PARVB: variants seen among roughly 807,000 people sequenced by gnomAD.
The protein encoded by PARVB is parvin beta, also known as beta-parvin.
In PARVB, 46 loss-of-function variants were observed where a neutral mutation model predicts 47.0. The ratio of observed to expected loss-of-function variants is 0.98; its 90% CI spans 0.77 to 1.25. The LOEUF is 1.25. Ranked by LOEUF, PARVB falls within the 50% of genes most tolerant of loss-of-function variation. The probability of loss-of-function intolerance (pLI) is 0.00; values close to 1 mark genes in which losing one functional copy is unlikely to be tolerated. For missense variants in PARVB, 473 were observed against 471.6 expected (o/e 1.00, Z -0.03); for synonymous variants, 196 against 196.3 (o/e 1.00, Z 0.01).
At chr22:44,157,772 G>C (rs899069492) in intron 10 of PARVB, among the ~76,000 whole-genome samples, 8 of 152,184 alleles carry the variant, frequency 5.3e-5, no homozygotes, top group Middle Eastern at 3.4e-3. Context: ...CCAGCTACTT[G>C]GGAGGCTGAG....
intron 2 of PARVB, among the ~76,000 whole-genome samples, chr22:44,003,894 C>T (rs1253699527): frequency 6.6e-6 from 1 of 152,210 alleles, no homozygotes; most frequent in African/African-American, 2.4e-5. Context: ...TCCGATGTCC[C>T]CTTCCCTGAA....
rs1256760553 is a variant in PARVB at position 44,113,865 on chromosome 22, A to G, written c.274-5173A>G. 3.3e-5 allele frequency: 2 copies of G among 61,134 alleles called. 1 individual carries two copies. The highest frequency in any genetic ancestry group is 1.1e-3 in the South Asian group (2 of 1,754). The allele number at this position is 61,134 out of a possible 1,614,324, so 3.8% of individuals were successfully genotyped here. A position where few individuals can be genotyped will look rare whatever the true frequency, so the allele number is the denominator to read the frequency against. On this transcript the variant is annotated intron_variant, in intron 3 of 12. Transcript: ENST00000338758. ...GCACCAACACAGATACATTGTTACTAAGGCCCTGCACCAACACAGATACAT... is the reference window on the plus strand; with the variant it reads ...GCACCAACACAGATACATTGTTACTGAGGCCCTGCACCAACACAGATACAT...
intron 1 of PARVB, among the ~76,000 whole-genome samples, chr22:44,048,147 C>T (rs570035587): frequency 6.6e-6 from 1 of 152,244 alleles, no homozygotes; most frequent in South Asian, 2.1e-4. Context: ...GTTGAGCTTC[C>T]TGGAAGGCCC....
intron 1 of PARVB, among the ~76,000 whole-genome samples, chr22:44,059,070 G>A (rs1349623739): frequency 7.1e-6 from 1 of 140,090 alleles, no homozygotes; most frequent in Non-Finnish European, 1.5e-5. Context: ...TTCTGAGAGG[G>A]AGTCTTGCTG....
chr22:44,155,929 G>A lies in PARVB; in HGVS notation c.844-2053G>A, dbSNP rs1158590047. 2.6e-5 allele frequency among the ~76,000 whole-genome samples: 4 copies of A among 152,086 alleles called. No homozygotes were observed. The highest frequency in any genetic ancestry group is 5.9e-5 in the Non-Finnish European group (4 of 68,024). On this transcript the variant is annotated intron_variant, in intron 10 of 12. Transcript: ENST00000338758. The surrounding 1 kb of genome is among the most constrained non-coding windows in gnomAD (Gnocchi z 4.8). ...GCACTTTGGGTGGCCGAGGTGGGTG[G>A]ATCATGAGGTCAGGAGTTCAAGACC...
chr22:44,160,766 C>T (rs1215682994), intron 11 of PARVB, among the ~76,000 whole-genome samples: 4 of 152,190 alleles, frequency 2.6e-5, no homozygotes, highest in Admixed American at 6.5e-5. Flanking sequence ...TGGGGCCGAG[C>T]GGCTGCAGAG....
chr22:44,008,500 C>T (rs552304228), intron 2 of PARVB, among the ~76,000 whole-genome samples: 4 of 152,150 alleles, frequency 2.6e-5, no homozygotes, highest in Non-Finnish European at 5.9e-5. Context: ...ATTCATTTTG[C>T]ATTTTTCTTT....
intron 7 of PARVB, 134 bp downstream of exon 7, chr22:44,136,652 A>G: frequency 1.4e-6 from 1 of 725,312 alleles, no homozygotes; most frequent in Non-Finnish European, 2.5e-6. Flanking sequence ...GTAGCATGTG[A>G]TTCTCATGCT....
intron 2 of PARVB, among the ~76,000 whole-genome samples, chr22:44,096,494 T>C (rs2052311103): frequency 6.6e-6 from 1 of 152,228 alleles, no homozygotes; most frequent in Admixed American, 6.5e-5. Context: ...TTTGGGCTCA[T>C]AAATGTCATC....
At chr22:44,071,092 G>A (rs1294286766) in intron 1 of PARVB, among the ~76,000 whole-genome samples, 1 of 152,188 alleles carries the variant, frequency 6.6e-6, no homozygotes, top group Non-Finnish European at 1.5e-5. Flanking sequence ...GCATCCTGGG[G>A]CCAGTGTGGG....
chr22:44,149,193 C>A (rs2053750326), intron 9 of PARVB: 1 of 152,148 alleles, frequency 6.6e-6, no homozygotes, highest in Admixed American at 6.5e-5. Context: ...GCTTAGCCGG[C>A]AGCGTATAGT....
chr22:44,012,217 A>C (rs907291350), intron 2 of PARVB, among the ~76,000 whole-genome samples: 1 of 152,252 alleles, frequency 6.6e-6, no homozygotes, highest in Non-Finnish European at 1.5e-5. Flanking sequence ...TAAGGGAACA[A>C]AACGCATATG....
At chr22:44,005,987 C>A (rs1170446920) in intron 2 of PARVB, among the ~76,000 whole-genome samples, 2 of 152,336 alleles carry the variant, frequency 1.3e-5, no homozygotes, top group East Asian at 1.9e-4. Context: ...ATAATCAAGA[C>A]CCTCCACTGG....
At chr22:44,055,896 G>C (rs2051301818) in intron 1 of PARVB, among the ~76,000 whole-genome samples, 1 of 152,076 alleles carries the variant, frequency 6.6e-6, no homozygotes, top group African/African-American at 2.4e-5. Flanking sequence ...ATCCGCACTG[G>C]GGAGGGCCAT....
intron 11 of PARVB, chr22:44,162,644 C>G (rs2054077922): frequency 6.6e-6 from 1 of 152,290 alleles, no homozygotes; most frequent in African/African-American, 2.4e-5. Flanking sequence ...ACTAAGAGCC[C>G]TGAAGTCCCT....
chr22:44,023,304 G>T (rs1394282325), upstream of PARVB, among the ~76,000 whole-genome samples: 1 of 151,500 alleles, frequency 6.6e-6, no homozygotes, highest in Non-Finnish European at 1.5e-5. Context: ...TGAGGTCAGG[G>T]GTTCGAGACC....
intron 10 of PARVB, among the ~76,000 whole-genome samples, chr22:44,154,939 ATG>A (rs71188433): frequency 4.5e-4 from 46 of 102,372 alleles, no homozygotes; most frequent in Non-Finnish European, 5.2e-4. Context: ...GTGTGGTGTG[ATG>A]TGTGTGTGTG....
At chr22:44,074,804 G>A (rs957449952) in intron 1 of PARVB, among the ~76,000 whole-genome samples, 1 of 152,230 alleles carries the variant, frequency 6.6e-6, no homozygotes, top group Non-Finnish European at 1.5e-5. Flanking sequence ...CCAGCACGCA[G>A]TGCAACAGCC....
At chr22:44,048,158 A>G (rs535745648) in intron 1 of PARVB, among the ~76,000 whole-genome samples, 2 of 152,338 alleles carry the variant, frequency 1.3e-5, no homozygotes, top group East Asian at 1.9e-4. Context: ...TGGAAGGCCC[A>G]TAGGAGAGGC....
Sources: gnomAD v4.1 joint callset for allele counts (sites outside exome capture counted in the v4.1 genomes callset) on GRCh38, gnomAD v4.1.1 for gene constraint, Gnocchi (gnomAD v3.1) non-coding constraint, MANE v1.5 for transcripts, NCBI Gene and HGNC (gene_info 2026-07-23, HGNC 2026-07-21) for gene names.